The following GALNT13 variants were observed in gnomAD, a reference collection of about 807,000 sequenced individuals.
GALNT13 encodes UDP-GalNAc:polypeptide N-acetylgalactosaminyltransferase 13.
A neutral mutation model predicts 64.2 loss-of-function variants in GALNT13; 28 were observed. That is an observed-to-expected ratio of 0.44 (90% CI 0.32 to 0.60). The LOEUF is 0.60. Among genes scored for constraint, GALNT13 ranks in the 20% least tolerant of loss-of-function variants. The pLI is 0.05. For missense variants in GALNT13, 577 were observed against 669.8 expected, an observed-to-expected ratio of 0.86 and a Z score of 1.53; for synonymous variants, 214 against 224.6, an observed-to-expected ratio of 0.95 and a Z score of 0.42.
intron 3 of GALNT13, among the ~76,000 whole-genome samples, chr2:154,049,515 T>TTATATA (rs70981698): frequency 1.3e-4 from 19 of 145,124 alleles, no homozygotes; most frequent in Non-Finnish European, 2.4e-4. Context: ...ATTTTAAATA[T>TTATATA]TATATATATA....
the GALNT13 span, among the ~76,000 whole-genome samples, chr2:153,658,095 C>T: frequency 6.6e-6 from 1 of 152,080 alleles, no homozygotes. Flanking sequence ...TTCAAGACCC[C>T]TTCTCAGGGT....
Position 154,288,593 on chromosome 2 carries a change from G to A in GALNT13, c.976-12816G>A, listed in dbSNP as rs547704065. Reference sequence around the variant, plus strand: ...GGGGGTACAGTCATTCAGAAAATACGGCTGTTCCAAATAGGAGAAATTGGC... The same window carrying A: ...GGGGGTACAGTCATTCAGAAAATACAGCTGTTCCAAATAGGAGAAATTGGC... On this transcript the variant is annotated intron_variant, in intron 8 of 12. Transcript: ENST00000392825. Among the ~76,000 whole-genome samples the A allele has an allele frequency of 1.0e-3, 159 of 152,238 alleles. 2 individuals carry two copies. The highest frequency in any genetic ancestry group is 3.3e-3 in the African/African-American group (139 of 41,538).
intron 9 of GALNT13, among the ~76,000 whole-genome samples, chr2:154,327,718 T>G (rs983033221): frequency 1.3e-5 from 2 of 152,140 alleles, no homozygotes; most frequent in South Asian, 2.1e-4. Flanking sequence ...TACTGATACA[T>G]GCTTTGTATT....
the GALNT13 span, among the ~76,000 whole-genome samples, chr2:153,558,798 C>A: frequency 2.6e-5 from 4 of 152,182 alleles, no homozygotes; most frequent in African/African-American, 7.2e-5. Flanking sequence ...ACTGAAAAAT[C>A]ATAAACTCTT....
the GALNT13 span, among the ~76,000 whole-genome samples, chr2:153,811,742 A>T: frequency 2.6e-5 from 4 of 152,058 alleles, no homozygotes; most frequent in Non-Finnish European, 5.9e-5. Context: ...TTTTTCTGTG[A>T]TGTCTTAATA....
intron 7 of GALNT13, among the ~76,000 whole-genome samples, chr2:154,253,652 C>A (rs1269545872): frequency 6.6e-6 from 1 of 152,106 alleles, no homozygotes; most frequent in Non-Finnish European, 1.5e-5. Context: ...AAAATACTAT[C>A]AAACTCAACC....
the GALNT13 span, among the ~76,000 whole-genome samples, chr2:153,167,787 A>G: frequency 2.0e-5 from 3 of 152,154 alleles, no homozygotes; most frequent in Non-Finnish European, 4.4e-5. Flanking sequence ...CTATGGGCTA[A>G]TTTTTGCATC....
At chr2:153,283,598 G>A in the GALNT13 span, among the ~76,000 whole-genome samples, 1 of 152,092 alleles carries the variant, frequency 6.6e-6, no homozygotes, top group Non-Finnish European at 1.5e-5. Context: ...GGAGTGGAGA[G>A]GGCCCCACTT....
chr2:153,886,372 C>T (rs1687182118), intron 1 of GALNT13, among the ~76,000 whole-genome samples: 1 of 151,776 alleles, frequency 6.6e-6, no homozygotes, highest in South Asian at 2.1e-4. Context: ...CTCCCCCCAC[C>T]CCGCAACAGG....
At chr2:153,833,426 TTAA>T in the GALNT13 span, among the ~76,000 whole-genome samples, 3 of 151,926 alleles carry the variant, frequency 2.0e-5, no homozygotes, top group Non-Finnish European at 2.9e-5. Context: ...AGTTCTAGAC[TTAA>T]TAAGAACAAA....
chr2:153,398,865 T>C, the GALNT13 span, among the ~76,000 whole-genome samples: 14 of 134,950 alleles, frequency 1.0e-4, no homozygotes, highest in African/African-American at 2.3e-4. Flanking sequence ...TTCTCCCATG[T>C]TGTAGGTTGC....
Position 153,921,792 on chromosome 2 carries a change from A to G in GALNT13, c.-105+20785A>G, listed in dbSNP as rs148202014. Among the ~76,000 whole-genome samples the G allele has an allele frequency of 5.4e-3, 819 of 152,254 alleles. 5 individuals are homozygous for G. Among genetic ancestry groups the G allele is most frequent in the African/African-American group, 0.018 (752 of 41,562 alleles). ...AAAAGATGGCAGAAACAATTGACAC[A>G]TGGACAAACAACTAACAAATATATC... On this transcript the variant is annotated intron_variant, in intron 2 of 12. Coordinates refer to ENST00000392825, the MANE Select transcript of GALNT13 (RefSeq NM_052917.4).
chr2:154,066,975 G>A (rs1406938019), intron 3 of GALNT13, among the ~76,000 whole-genome samples: 2 of 151,990 alleles, frequency 1.3e-5, no homozygotes, highest in African/African-American at 4.8e-5. Context: ...ATAATAAAAA[G>A]TTAAAAAGGT....
intron 11 of GALNT13, among the ~76,000 whole-genome samples, chr2:154,428,875 G>A (rs1007833137): frequency 2.6e-5 from 4 of 151,660 alleles, no homozygotes; most frequent in Non-Finnish European, 4.4e-5. Flanking sequence ...TCCGCCTCCC[G>A]GGTTCATGCC....
intron 3 of GALNT13, among the ~76,000 whole-genome samples, chr2:154,057,019 T>C (rs1313559954): frequency 6.6e-6 from 1 of 151,946 alleles, no homozygotes; most frequent in Non-Finnish European, 1.5e-5. Flanking sequence ...TTAAACTTTT[T>C]ATTTTTATTT....
chr2:154,098,090 CTTT>C (rs10673538), intron 3 of GALNT13, among the ~76,000 whole-genome samples: 3 of 134,692 alleles, frequency 2.2e-5, no homozygotes, highest in Non-Finnish European at 4.7e-5. Context: ...GCTTGTCTTT[CTTT>C]TTTTTTTTTT....
the GALNT13 span, among the ~76,000 whole-genome samples, chr2:153,293,231 T>G: frequency 6.6e-6 from 1 of 152,142 alleles, no homozygotes; most frequent in Non-Finnish European, 1.5e-5. Context: ...GGTTACTTCA[T>G]ATGGCAAAGT....
the GALNT13 span, among the ~76,000 whole-genome samples, chr2:153,184,498 C>A: frequency 1.3e-5 from 2 of 152,082 alleles, no homozygotes; most frequent in Non-Finnish European, 2.9e-5. Flanking sequence ...CCAGAACATC[C>A]AATATTATGT....
At chr2:153,432,889 A>C in the GALNT13 span, among the ~76,000 whole-genome samples, 1 of 152,196 alleles carries the variant, frequency 6.6e-6, no homozygotes, top group African/African-American at 2.4e-5. Flanking sequence ...GATTTGTAAA[A>C]TAGTTTCATA....
Sources: gnomAD v4.1 joint callset for allele counts (sites outside exome capture counted in the v4.1 genomes callset) on GRCh38, gnomAD v4.1.1 for gene constraint, MANE v1.5 for transcripts, NCBI Gene and HGNC (gene_info 2026-07-23, HGNC 2026-07-21) for gene names.